The following ZNF654 variants were observed in gnomAD, a reference collection of about 807,000 sequenced individuals.
The protein encoded by ZNF654 is zinc finger protein 654.
ZNF654 carries 19 observed loss-of-function variants against 95.3 expected under a neutral mutation model. The observed-to-expected ratio is 0.20, with a 90% confidence interval of 0.14 to 0.29. The LOEUF (loss-of-function observed/expected upper bound fraction) is 0.29. Ranked by LOEUF, ZNF654 falls within the 10% of genes least tolerant of loss-of-function variation. ZNF654 has a pLI of 1.00. For synonymous variants in ZNF654, 413 were observed against 457.9 expected (o/e 0.90, Z 1.25); for missense variants, 1,046 against 1,341.0 (o/e 0.78, Z 3.44).
intron 7 of ZNF654, among the ~76,000 whole-genome samples, chr3:88,138,194 AT>A (rs1429002449): frequency 6.6e-6 from 1 of 152,188 alleles, no homozygotes; most frequent in East Asian, 1.9e-4. Flanking sequence ...ATTTGGATAA[AT>A]AACATTACTT....
At chr3:88,070,015 A>C (rs368306690) in intron 1 of ZNF654, among the ~76,000 whole-genome samples, 3 of 152,308 alleles carry the variant, frequency 2.0e-5, no homozygotes, top group Admixed American at 1.3e-4. Context: ...CTCTCAAATT[A>C]TAGAATTTAT....
At position 88,086,227 on chromosome 3, in the gene ZNF654, A is replaced by G. The variant is rs892640543; in HGVS notation, c.187-30A>G. 31 of 1,507,978 alleles carry G rather than the reference A, an allele frequency of 2.1e-5. No individual in the cohort carries two copies. In the East Asian group the frequency reaches 2.7e-4, roughly 13 times the overall value. 93.4% of individuals were successfully genotyped at this position (1,507,978 alleles called of 1,614,324 possible). On this transcript the variant is annotated intron_variant, in intron 1 of 8. Coordinates refer to ENST00000636215, the MANE Select transcript of ZNF654 (RefSeq NM_001350134.2). ...ACTCGAGATGTTGAGAACTTTTTCT[A>G]TAGTAATGTCTGGATTGCTTCTCTG...
intron 1 of ZNF654, among the ~76,000 whole-genome samples, chr3:88,074,179 G>C (rs1239378289): frequency 1.3e-5 from 2 of 152,174 alleles, no homozygotes; most frequent in African/African-American, 4.8e-5. Flanking sequence ...TCCCCTTCTA[G>C]AGTATTACTT....
At chr3:88,107,494 A>G (rs535506880) in intron 2 of ZNF654, among the ~76,000 whole-genome samples, 33 of 152,084 alleles carry the variant, frequency 2.2e-4, no homozygotes, top group African/African-American at 7.7e-4. Context: ...ATTTATCTCT[A>G]TTGGCATTTT....
At position 88,059,424 on chromosome 3, in the gene ZNF654, C is replaced by T. The variant is rs1319669238; in HGVS notation, c.105C>T (p.Asp35=). The part of the protein sequence containing the change: ...LGPVGLRAAG[D]GRGGAGSGNC... ...CTGTGGGGCTTAGAGCTGCGGGCGA[C>T]GGCAGAGGCGGCGCTGGCAGCGGCA... The change falls in exon 1 of 9, where the codon GAC becomes GAT. Residue 35 remains aspartate (D), a synonymous_variant. Coordinates refer to ENST00000636215, the MANE Select transcript of ZNF654 (RefSeq NM_001350134.2). 3.9e-6 allele frequency: 6 copies of T among 1,523,180 alleles called. No homozygotes were observed. The highest frequency in any genetic ancestry group is 3.4e-4 in the Middle Eastern group (2 of 5,886). The allele number at this position is 1,523,180 out of a possible 1,614,324, so 94.4% of individuals were successfully genotyped here. A position where few individuals can be genotyped will look rare whatever the true frequency, so the allele number is the denominator to read the frequency against.
At chr3:88,101,947 A>G (rs1455795617) in intron 2 of ZNF654, among the ~76,000 whole-genome samples, 1 of 151,752 alleles carries the variant, frequency 6.6e-6, no homozygotes, top group Non-Finnish European at 1.5e-5. Flanking sequence ...GCTATTTTAT[A>G]TTTTCTTTGG....
chr3:88,142,413 C>A lies in ZNF654; in HGVS notation c.*761C>A, dbSNP rs78694349. 9,215 of 152,156 alleles carry A rather than the reference C, an allele frequency of 0.061. 814 individuals are homozygous for A. The highest frequency in any genetic ancestry group is 0.19 in the African/African-American group (7,965 of 41,412). 9.4% of individuals were successfully genotyped at this position (152,156 alleles called of 1,614,324 possible). A position where few individuals can be genotyped will look rare whatever the true frequency, so the allele number is the denominator to read the frequency against. Reference sequence around the variant, plus strand: ...GCAGTGTCAATAAAATAGAAAAAAACCGATCAGTACTCTGGGGAGAGATGA... The same window carrying A: ...GCAGTGTCAATAAAATAGAAAAAAAACGATCAGTACTCTGGGGAGAGATGA... On this transcript the variant is annotated 3_prime_UTR_variant, in exon 9 of 9. Transcript: ENST00000636215.
At chr3:88,074,664 T>C (rs1409972260) in intron 1 of ZNF654, among the ~76,000 whole-genome samples, 1 of 152,168 alleles carries the variant, frequency 6.6e-6, no homozygotes, top group Non-Finnish European at 1.5e-5. Context: ...CTTAAGAGTC[T>C]TGAAGATCAG....
chr3:88,137,955 C>G (rs1706898168), intron 7 of ZNF654, among the ~76,000 whole-genome samples: 1 of 151,870 alleles, frequency 6.6e-6, no homozygotes, highest in South Asian at 2.1e-4. Flanking sequence ...TCAAAATAAG[C>G]CTTTAGATTA....
At chr3:88,116,085 C>T (rs1705372071) in intron 3 of ZNF654, among the ~76,000 whole-genome samples, 4 of 152,118 alleles carry the variant, frequency 2.6e-5, no homozygotes, top group Admixed American at 2.6e-4. Context: ...CTTGTAACAA[C>T]AAGGGCTGGA....
At chr3:88,111,636 A>C (rs949182778) in intron 2 of ZNF654, among the ~76,000 whole-genome samples, 4 of 151,972 alleles carry the variant, frequency 2.6e-5, no homozygotes, top group African/African-American at 9.7e-5. Flanking sequence ...TGCTTCTATA[A>C]ACCATTTGTA....
intron 2 of ZNF654, among the ~76,000 whole-genome samples, chr3:88,087,958 G>A (rs111969725): frequency 0.011 from 1,677 of 152,202 alleles, 24 homozygotes; most frequent in African/African-American, 0.038. Flanking sequence ...TCATTGGAAC[G>A]TTACAGATTT....
At chr3:88,107,613 A>C (rs2107743003) in intron 2 of ZNF654, among the ~76,000 whole-genome samples, 1 of 152,232 alleles carries the variant, frequency 6.6e-6, no homozygotes, top group South Asian at 2.1e-4. Flanking sequence ...ACTATGATTA[A>C]ACATGTATAC....
intron 1 of ZNF654, among the ~76,000 whole-genome samples, chr3:88,075,723 C>T (rs562575457): frequency 6.6e-6 from 1 of 152,228 alleles, no homozygotes; most frequent in South Asian, 2.1e-4. Flanking sequence ...TACATTTGAG[C>T]CTGTTATTAA....
chr3:88,083,083 T>C (rs946647796), intron 1 of ZNF654, among the ~76,000 whole-genome samples: 6 of 150,262 alleles, frequency 4.0e-5, no homozygotes, highest in African/African-American at 1.5e-4. Flanking sequence ...TCACTCTTCC[T>C]CCTCCTCACC....
chr3:88,065,981 A>G (rs1475175383), intron 1 of ZNF654, among the ~76,000 whole-genome samples: 4 of 152,136 alleles, frequency 2.6e-5, no homozygotes, highest in Non-Finnish European at 4.4e-5. Flanking sequence ...CGAGTCACCC[A>G]CTGTGGCCTC....
intron 2 of ZNF654, among the ~76,000 whole-genome samples, chr3:88,098,107 G>A (rs1370763115): frequency 6.6e-6 from 1 of 151,994 alleles, no homozygotes; most frequent in Non-Finnish European, 1.5e-5. Context: ...GAAGAAAAGA[G>A]AGAAGAATCA....
At chr3:88,093,961 G>C (rs966810236) in intron 2 of ZNF654, among the ~76,000 whole-genome samples, 1 of 152,018 alleles carries the variant, frequency 6.6e-6, no homozygotes, top group African/African-American at 2.4e-5. Flanking sequence ...TTATATTGAC[G>C]AACAATTATT....
chr3:88,113,328 C>G, intron 3 of ZNF654, 132 bp downstream of exon 3: 2 of 492,292 alleles, frequency 4.1e-6, no homozygotes, highest in Non-Finnish European at 3.5e-6. Flanking sequence ...TGTTTAAGAT[C>G]CTATTATTAC....
Sources: gnomAD v4.1 joint callset for allele counts (sites outside exome capture counted in the v4.1 genomes callset) on GRCh38, gnomAD v4.1.1 for gene constraint, MANE v1.5 for transcripts, NCBI Gene and HGNC (gene_info 2026-07-23, HGNC 2026-07-21) for gene names.